Variants in ATP10B observed in about 807,000 individuals in gnomAD.
ATP10B encodes the protein ATPase phospholipid transporting 10B (putative), also known as phospholipid-transporting ATPase VB.
In ATP10B, 122 loss-of-function variants were observed where a neutral mutation model predicts 141.2. The observed-to-expected ratio is 0.86, with a 90% confidence interval of 0.75 to 1.00. ATP10B has a LOEUF of 1.00. Ranked by LOEUF, ATP10B falls within the 50% of genes least tolerant of loss-of-function variation. The pLI, the probability that ATP10B is intolerant of heterozygous loss-of-function variation, is 0.00. For synonymous variants in ATP10B, 685 were observed against 692.0 expected, an observed-to-expected ratio of 0.99 and a Z score of 0.16; for missense variants, 1,876 against 1,825.3, an observed-to-expected ratio of 1.03 and a Z score of -0.51.
intron 21 of ATP10B, among the ~76,000 whole-genome samples, chr5:160,601,481 G>A (rs1356640913): frequency 2.0e-5 from 3 of 152,106 alleles, no homozygotes; most frequent in Non-Finnish European, 2.9e-5. Context: ...AGCCTAGCAC[G>A]GTTCTGACTT....
chr5:160,739,975 C>A (rs1009941637), intron 2 of ATP10B, among the ~76,000 whole-genome samples: 1 of 152,296 alleles, frequency 6.6e-6, no homozygotes, highest in East Asian at 1.9e-4. Context: ...TTGTGCCCAA[C>A]ATTCTTTTCC....
At chr5:160,780,614 T>C (rs1051283681) in intron 2 of ATP10B, among the ~76,000 whole-genome samples, 12 of 152,216 alleles carry the variant, frequency 7.9e-5, no homozygotes, top group African/African-American at 2.7e-4. Flanking sequence ...CCCAGTGTAC[T>C]GTGTAATAAC....
chr5:160,759,700 G>T (rs1032023730), intron 2 of ATP10B, among the ~76,000 whole-genome samples: 4 of 152,090 alleles, frequency 2.6e-5, no homozygotes, highest in African/African-American at 9.7e-5. Context: ...TCTTTTCTGT[G>T]CTCCCTCCAA....
chr5:160,859,024 T>C, the ATP10B span, among the ~76,000 whole-genome samples: 4 of 151,912 alleles, frequency 2.6e-5, no homozygotes, highest in Non-Finnish European at 5.9e-5. Context: ...TATTTTCCTT[T>C]CTGATGTTCC....
At position 160,625,465 on chromosome 5, in the gene ATP10B, G is replaced by A. The variant is rs909852067; in HGVS notation, c.1621-2880C>T. On this transcript the variant is annotated intron_variant, in intron 13 of 25. Coordinates refer to ENST00000327245, the MANE Select transcript of ATP10B (RefSeq NM_025153.3). ...AAATGAGATGCTGTTAAATCTTACT[G>A]CCACAGGTACCCAAGTTGAGGAACA... 1.3e-4 allele frequency among the ~76,000 whole-genome samples: 20 copies of A among 152,236 alleles called. No homozygotes were observed. In the South Asian group the frequency reaches 2.5e-3, roughly 19 times the overall value.
At chr5:160,872,584 T>A in the ATP10B span, among the ~76,000 whole-genome samples, 9 of 152,308 alleles carry the variant, frequency 5.9e-5, no homozygotes, top group African/African-American at 1.9e-4. Context: ...CCAGTTTTAT[T>A]CTCCATGTGG....
Position 160,598,919 on chromosome 5 carries a change from A to C in ATP10B, c.3415T>G (p.Ser1139Ala). The stretch of plus-strand genomic sequence containing the variant: ...ATCTGCCAGTAATCAATCATGGTGG[A>C]GCTGGAGAAACCACAGAAGAACTGA... ...WYQFFCGFSSSTMIDYWQMIF... is the reference protein window; with the variant it reads ...WYQFFCGFSSATMIDYWQMIF... Residue 1139 changes from serine to alanine, a missense_variant, in exon 22 of 26, where the codon TCC becomes GCC. Coordinates refer to ENST00000327245, the MANE Select transcript of ATP10B (RefSeq NM_025153.3). The C allele has an allele frequency of 6.2e-7, 1 of 1,614,190 alleles. No individual in the cohort carries two copies. Among genetic ancestry groups the C allele is most frequent in the Non-Finnish European group, 8.5e-7 (1 of 1,180,016 alleles).
intron 2 of ATP10B, among the ~76,000 whole-genome samples, chr5:160,729,132 C>T (rs1045983371): frequency 6.6e-6 from 1 of 152,070 alleles, no homozygotes; most frequent in Non-Finnish European, 1.5e-5. Context: ...ATTGTTAGGC[C>T]CCTTAGGGCT....
intron 7 of ATP10B, among the ~76,000 whole-genome samples, chr5:160,667,515 G>C (rs1198711058): frequency 6.6e-6 from 1 of 152,162 alleles, no homozygotes; most frequent in Non-Finnish European, 1.5e-5. Flanking sequence ...GGAGAATCAA[G>C]AACTGAGACA....
At chr5:160,599,284 G>A (rs1249548233) in intron 21 of ATP10B, among the ~76,000 whole-genome samples, 1 of 152,094 alleles carries the variant, frequency 6.6e-6, no homozygotes, top group Non-Finnish European at 1.5e-5. Flanking sequence ...AATGATGTAT[G>A]GCAAGCCCCG....
chr5:160,786,032 T>C (rs1771123933), intron 1 of ATP10B, among the ~76,000 whole-genome samples: 1 of 152,204 alleles, frequency 6.6e-6, no homozygotes, highest in South Asian at 2.1e-4. Flanking sequence ...ATGCAAATTA[T>C]GGTCCCAGAG....
At chr5:160,865,441 C>G in the ATP10B span, among the ~76,000 whole-genome samples, 3 of 151,984 alleles carry the variant, frequency 2.0e-5, no homozygotes, top group East Asian at 3.9e-4. Flanking sequence ...GATCAAAGAC[C>G]TAAATCTAAG....
chr5:160,878,405 C>A, the ATP10B span, among the ~76,000 whole-genome samples: 2 of 149,110 alleles, frequency 1.3e-5, no homozygotes, highest in South Asian at 2.1e-4. Flanking sequence ...AAGACTTAAA[C>A]GTTAGACCTA....
At chr5:160,744,074 G>A (rs540572660) in intron 2 of ATP10B, among the ~76,000 whole-genome samples, 1 of 152,256 alleles carries the variant, frequency 6.6e-6, no homozygotes, top group South Asian at 2.1e-4. Flanking sequence ...TATCAGTGAA[G>A]TATTGAAAAA....
chr5:160,927,461 C>T, the ATP10B span, among the ~76,000 whole-genome samples: 1 of 152,182 alleles, frequency 6.6e-6, no homozygotes, highest in Non-Finnish European at 1.5e-5. Flanking sequence ...CATGTGATGC[C>T]ATTTAGCCTT....
intron 2 of ATP10B, among the ~76,000 whole-genome samples, chr5:160,750,173 A>G (rs955936652): frequency 6.6e-6 from 1 of 152,226 alleles, no homozygotes; most frequent in Non-Finnish European, 1.5e-5. Context: ...ATCTCATTCT[A>G]TAATAGAATC....
At chr5:160,846,214 A>G (rs996034608) in intron 1 of ATP10B, among the ~76,000 whole-genome samples, 2 of 152,178 alleles carry the variant, frequency 1.3e-5, no homozygotes, top group Non-Finnish European at 2.9e-5. Flanking sequence ...ATGAGTGCCT[A>G]AATTTGATTC....
chr5:160,660,365 G>A (rs902770494), intron 7 of ATP10B, among the ~76,000 whole-genome samples: 18 of 152,158 alleles, frequency 1.2e-4, no homozygotes, highest in African/African-American at 4.1e-4. Context: ...GCTCCCACTG[G>A]CTAGAGATGG....
chr5:160,886,626 C>T, the ATP10B span, among the ~76,000 whole-genome samples: 28 of 152,274 alleles, frequency 1.8e-4, no homozygotes, highest in East Asian at 3.9e-4. Context: ...AGGATCTAGA[C>T]GCAAGAATTG....
Sources: gnomAD v4.1 joint callset for allele counts (sites outside exome capture counted in the v4.1 genomes callset) on GRCh38, gnomAD v4.1.1 for gene constraint, MANE v1.5 for transcripts, NCBI Gene and HGNC (gene_info 2026-07-23, HGNC 2026-07-21) for gene names.